The following ITGA9 variants were observed in gnomAD, a reference collection of about 807,000 sequenced individuals.
ITGA9 encodes the protein integrin subunit alpha 9, also known as integrin alpha-9.
In ITGA9, 56 loss-of-function variants were observed where a neutral mutation model predicts 127.8. That is an observed-to-expected ratio of 0.44 (90% CI 0.35 to 0.55). The LOEUF (loss-of-function observed/expected upper bound fraction) is 0.55. Ranked by LOEUF, ITGA9 falls within the 20% of genes least tolerant of loss-of-function variation. ITGA9 has a pLI of 0.00. For synonymous variants in ITGA9, 508 were observed against 514.5 expected (o/e 0.99, Z 0.17); for missense variants, 1,196 against 1,347.1 (o/e 0.89, Z 1.76).
intron 15 of ITGA9, among the ~76,000 whole-genome samples, chr3:37,605,318 G>A (rs1699958289): frequency 6.6e-6 from 1 of 152,154 alleles, no homozygotes; most frequent in African/African-American, 2.4e-5. Flanking sequence ...GCTCAGTGGG[G>A]GTTTCATTTG....
In ITGA9 at chr3:37,473,460, G is replaced by A. The variant is rs1001359987; in HGVS notation, c.420G>A (p.Leu140=). 1.9e-6 allele frequency: 3 copies of A among 1,611,230 alleles called. No individual in the cohort carries two copies. The highest frequency in any genetic ancestry group is 2.5e-6 in the Non-Finnish European group (3 of 1,177,474). ...AGCCCAAGGCTGATGGCCGTGTGTT[G>A]GTAAGTCCCTCCTGGGGGTGCTGTG... The part of the protein sequence containing the change: ...ARQPKADGRV[L]ACAHRWKNIY... The change falls in exon 3 of 28, where the codon TTG becomes TTA. Residue 140 remains leucine (L), a splice_region_variant and synonymous_variant. Transcript: ENST00000264741.
rs192733104 is a variant in ITGA9, at chr3:37,795,245, C to T, written c.2890-8578C>T. Among the ~76,000 whole-genome samples, 281 of 152,292 alleles carry T rather than the reference C, an allele frequency of 1.8e-3. 1 individual carries two copies. The highest frequency in any genetic ancestry group is 6.2e-3 in the African/African-American group (257 of 41,546). Reference sequence around the variant, plus strand: ...GATGGTATTGACCGAGCTGTCCCTCCGTCTCTGGAAGCCCTCCATCCAGCA... The same window carrying T: ...GATGGTATTGACCGAGCTGTCCCTCTGTCTCTGGAAGCCCTCCATCCAGCA... On this transcript the variant is annotated intron_variant, in intron 26 of 27. Transcript: ENST00000264741.
chr3:37,654,758 T>G (rs1016355323), intron 17 of ITGA9, among the ~76,000 whole-genome samples: 8 of 152,164 alleles, frequency 5.3e-5, no homozygotes, highest in South Asian at 2.1e-4. Context: ...GTTTGTTACA[T>G]AGGTATACAC....
chr3:37,609,339 A>C (rs1022086823), intron 15 of ITGA9, among the ~76,000 whole-genome samples: 1 of 152,178 alleles, frequency 6.6e-6, no homozygotes, highest in East Asian at 1.9e-4. Context: ...TGGCTTATCT[A>C]AAGAAAAATT....
At chr3:37,542,391 C>T (rs1415464963) in intron 14 of ITGA9, 34 bp from the exon 15 acceptor site, 3 of 1,611,782 alleles carry the variant, frequency 1.9e-6, no homozygotes, top group African/African-American at 1.3e-5. Context: ...TGTGTCGGTC[C>T]TTTCTGACAT....
chr3:37,514,574 C>G (rs1211422141), intron 9 of ITGA9, among the ~76,000 whole-genome samples: 1 of 152,016 alleles, frequency 6.6e-6, no homozygotes, highest in African/African-American at 2.4e-5. Flanking sequence ...TCTTTTTGTT[C>G]GTTTGTTTGT....
At chr3:37,743,826 C>T in intron 21 of ITGA9, 100 bp from the exon 22 acceptor site, 1 of 860,982 alleles carries the variant, frequency 1.2e-6, no homozygotes, top group Non-Finnish European at 2.0e-6. Flanking sequence ...GTGCAAGACA[C>T]TGGATTAAAT....
At chr3:37,536,907 G>T (rs1330028481) in intron 14 of ITGA9, among the ~76,000 whole-genome samples, 4 of 152,248 alleles carry the variant, frequency 2.6e-5, no homozygotes, top group Admixed American at 1.3e-4. Flanking sequence ...CCGCCTCCAG[G>T]TCTGCACCAG....
intron 21 of ITGA9, 52 bp from the exon 22 acceptor site, chr3:37,743,874 T>C (rs1696467490): frequency 8.3e-7 from 1 of 1,200,134 alleles, no homozygotes; most frequent in African/African-American, 1.5e-5. Flanking sequence ...GCAGTGACCA[T>C]GGGTGCTTGA....
At chr3:37,809,087 T>C (rs1244305378) in intron 27 of ITGA9, among the ~76,000 whole-genome samples, 2 of 148,454 alleles carry the variant, frequency 1.3e-5, no homozygotes, top group Non-Finnish European at 3.0e-5. Context: ...CAAAATCTTT[T>C]CTTTTTTTTT....
At position 37,819,571 on chromosome 3, in the gene ITGA9, A is replaced by T. The variant is rs1697486148; in HGVS notation, c.*582A>T. The T allele has an allele frequency of 6.5e-6, 1 of 154,244 alleles. No homozygotes were observed. Among genetic ancestry groups the T allele is most frequent in the South Asian group, 2.0e-4 (1 of 4,972 alleles). 9.6% of individuals were successfully genotyped at this position (154,244 alleles called of 1,614,324 possible). A position where few individuals can be genotyped will look rare whatever the true frequency, so the allele number is the denominator to read the frequency against. The stretch of plus-strand genomic sequence containing the variant: ...GTGCATATAAACTGTGGGTGTGGCA[A>T]GACCCCGAAGACATTTCACATCTTT... On this transcript the variant is annotated 3_prime_UTR_variant, in exon 28 of 28. Transcript: ENST00000264741.
intron 23 of ITGA9, among the ~76,000 whole-genome samples, chr3:37,772,897 A>G (rs945053080): frequency 2.1e-4 from 32 of 152,206 alleles, no homozygotes; most frequent in African/African-American, 6.5e-4. Context: ...ATTGCATCAC[A>G]TCACGCCATC....
rs1406612804 is a variant in ITGA9 at position 37,597,602 on chromosome 3, A to G, written c.1690-31585A>G. Among the ~76,000 whole-genome samples, 1 of 152,224 alleles carries G rather than the reference A, an allele frequency of 6.6e-6. No homozygotes were observed. The highest frequency in any genetic ancestry group is 1.5e-5 in the Non-Finnish European group (1 of 68,036). Reference sequence around the variant, plus strand: ...TGAGGTGCACCTGTCCGTAGTAAGTACTCAGTAAATGACTGGTGAATGAAT... The same window carrying G: ...TGAGGTGCACCTGTCCGTAGTAAGTGCTCAGTAAATGACTGGTGAATGAAT... On this transcript the variant is annotated intron_variant, in intron 15 of 27. Coordinates refer to ENST00000264741, the MANE Select transcript of ITGA9 (RefSeq NM_002207.3). The surrounding 1 kb of genome is among the most constrained non-coding windows in gnomAD (Gnocchi z 4.6).
chr3:37,546,794 A>T (rs560942567), intron 15 of ITGA9, among the ~76,000 whole-genome samples: 1 of 152,036 alleles, frequency 6.6e-6, no homozygotes, highest in African/African-American at 2.4e-5. Context: ...GATGATGGAG[A>T]AGAGAATTTG....
chr3:37,721,600 A>G lies in ITGA9; in HGVS notation c.2068-11112A>G, dbSNP rs537943670. On this transcript the variant is annotated intron_variant, in intron 18 of 27. Coordinates refer to ENST00000264741, the MANE Select transcript of ITGA9 (RefSeq NM_002207.3). ...GGATGTTTTGACAAAATTTCAAGGA[A>G]GCAACTGGCTTTGTAGTGCTTTCTT... 2.6e-5 allele frequency among the ~76,000 whole-genome samples: 4 copies of G among 152,298 alleles called. No homozygotes were observed. In the East Asian group the frequency reaches 7.7e-4, roughly 29 times the overall value.
intron 8 of ITGA9, among the ~76,000 whole-genome samples, chr3:37,508,918 G>T (rs780351906): frequency 1.3e-5 from 2 of 152,196 alleles, no homozygotes; most frequent in African/African-American, 4.8e-5. Context: ...CAAAGTGACT[G>T]CATGCCCTGT....
chr3:37,481,695 T>G (rs1698557476), intron 4 of ITGA9, 88 bp downstream of exon 4: 1 of 1,509,114 alleles, frequency 6.6e-7, no homozygotes, highest in Admixed American at 1.7e-5. Context: ...CAGCTGAACA[T>G]TTCCCCAGCT....
chr3:37,494,020 G>T (rs1351667514), intron 4 of ITGA9, among the ~76,000 whole-genome samples: 1 of 152,072 alleles, frequency 6.6e-6, no homozygotes, highest in Admixed American at 6.5e-5. Flanking sequence ...TTCTTCTTGC[G>T]GTCCTCTGTG....
chr3:37,493,701 T>C (rs1295647972), intron 4 of ITGA9, among the ~76,000 whole-genome samples: 1 of 152,218 alleles, frequency 6.6e-6, no homozygotes, highest in East Asian at 1.9e-4. Context: ...TGAGCCTCAA[T>C]ATTCTTACCT....
Sources: gnomAD v4.1 joint callset for allele counts (sites outside exome capture counted in the v4.1 genomes callset) on GRCh38, gnomAD v4.1.1 for gene constraint, Gnocchi (gnomAD v3.1) non-coding constraint, MANE v1.5 for transcripts, NCBI Gene and HGNC (gene_info 2026-07-23, HGNC 2026-07-21) for gene names.